The following GRIA1 variants were observed in gnomAD, a reference collection of about 807,000 sequenced individuals.
GRIA1 encodes glutamate receptor 1.
GRIA1 carries 31 observed loss-of-function variants against 99.2 expected under a neutral mutation model. The ratio of observed to expected loss-of-function variants is 0.31; its 90% CI spans 0.23 to 0.42. GRIA1 has a LOEUF of 0.42. Among genes scored for constraint, GRIA1 ranks in the 10% least tolerant of loss-of-function variants. The probability of loss-of-function intolerance (pLI) is 1.00; values close to 1 mark genes in which losing one functional copy is unlikely to be tolerated. For missense variants in GRIA1, 782 were observed against 1,157.5 expected, an observed-to-expected ratio of 0.68 and a Z score of 4.71; for synonymous variants, 438 against 432.4, an observed-to-expected ratio of 1.01 and a Z score of -0.16.
intron 11 of GRIA1, among the ~76,000 whole-genome samples, chr5:153,763,850 G>T (rs1763341502): frequency 6.6e-6 from 1 of 152,102 alleles, no homozygotes; most frequent in Non-Finnish European, 1.5e-5. Context: ...GGAAAGAATT[G>T]TGTCTGCACA....
At chr5:153,659,304 G>C (rs1447597387) in intron 5 of GRIA1, among the ~76,000 whole-genome samples, 1 of 152,066 alleles carries the variant, frequency 6.6e-6, no homozygotes, top group African/African-American at 2.4e-5. Context: ...TATTTTATAG[G>C]AGAGATATGT....
At chr5:153,687,084 A>G (rs1308682896) in intron 8 of GRIA1, among the ~76,000 whole-genome samples, 2 of 151,690 alleles carry the variant, frequency 1.3e-5, no homozygotes, top group South Asian at 2.1e-4. Flanking sequence ...AGCCTTCCAC[A>G]CTCAAAGTAA....
chr5:153,522,785 T>G (rs1757267716), intron 2 of GRIA1, among the ~76,000 whole-genome samples: 2 of 152,060 alleles, frequency 1.3e-5, no homozygotes, highest in Admixed American at 1.3e-4. Flanking sequence ...TTAAAGGAGG[T>G]AGAAAAGTGA....
At chr5:153,715,797 T>A (rs533033827) in intron 11 of GRIA1, among the ~76,000 whole-genome samples, 68 of 152,256 alleles carry the variant, frequency 4.5e-4, no homozygotes, top group African/African-American at 1.5e-3. Flanking sequence ...ACATGAGGGG[T>A]TGTATGTTCT....
At chr5:153,523,016 ATCTCTCTC>A (rs61177262) in intron 2 of GRIA1, among the ~76,000 whole-genome samples, 1 of 141,556 alleles carries the variant, frequency 7.1e-6, no homozygotes, top group Non-Finnish European at 1.5e-5. Context: ...TGTTCCTGAT[ATCTCTCTC>A]TCTCTCTCTC....
chr5:153,714,505 TC>T (rs1463916682), intron 11 of GRIA1, among the ~76,000 whole-genome samples: 2 of 152,266 alleles, frequency 1.3e-5, no homozygotes, highest in East Asian at 3.9e-4. Flanking sequence ...AATTCCTGTA[TC>T]CAGAGAAACC....
intron 2 of GRIA1, among the ~76,000 whole-genome samples, chr5:153,611,069 A>G (rs989252247): frequency 2.6e-5 from 4 of 151,974 alleles, no homozygotes; most frequent in African/African-American, 9.7e-5. Context: ...GAAAATATAG[A>G]CTCCTAGGAT....
rs984174620 is a variant in GRIA1 at position 153,539,656 on chromosome 5, C to T, written c.220+45591C>T. Among the ~76,000 whole-genome samples the T allele has an allele frequency of 3.3e-5, 5 of 152,190 alleles. No individual in the cohort carries two copies. The East Asian group carries it at 9.6e-4, about 29-fold the overall frequency. On this transcript the variant is annotated intron_variant, in intron 2 of 15. Coordinates refer to ENST00000285900, the MANE Select transcript of GRIA1 (RefSeq NM_000827.4). The stretch of plus-strand genomic sequence containing the variant: ...CAAGTTTCTCAATGTTGCTCACGGG[C>T]AAGCTGCACCTGAATTTTCTGTGTA...
intron 2 of GRIA1, among the ~76,000 whole-genome samples, chr5:153,613,514 C>T (rs1270781688): frequency 1.3e-5 from 2 of 152,170 alleles, no homozygotes; most frequent in Admixed American, 6.5e-5. Context: ...TATTTCCAGG[C>T]TTCATGTCTC....
intron 2 of GRIA1, among the ~76,000 whole-genome samples, chr5:153,633,220 T>C (rs1222556545): frequency 1.3e-5 from 2 of 152,182 alleles, no homozygotes; most frequent in Non-Finnish European, 2.9e-5. Context: ...TCCCCCAGTT[T>C]CATAGTATAC....
At chr5:153,789,333 AT>A (rs1765158569) in intron 13 of GRIA1, among the ~76,000 whole-genome samples, 1 of 150,026 alleles carries the variant, frequency 6.7e-6, no homozygotes, top group Non-Finnish European at 1.5e-5. Context: ...ATATATATAT[AT>A]ATCTCCTACA....
intron 13 of GRIA1, among the ~76,000 whole-genome samples, chr5:153,786,932 AT>A (rs1447078484): frequency 6.6e-6 from 1 of 152,218 alleles, no homozygotes; most frequent in African/African-American, 2.4e-5. Context: ...CAAGCAAAGC[AT>A]ATTATCATAG....
At chr5:153,656,780 C>T (rs1326290079) in intron 5 of GRIA1, among the ~76,000 whole-genome samples, 6 of 152,082 alleles carry the variant, frequency 3.9e-5, no homozygotes, top group Non-Finnish European at 8.8e-5. Flanking sequence ...AGTTATGAAA[C>T]CATCACCACA....
intron 2 of GRIA1, among the ~76,000 whole-genome samples, chr5:153,585,347 C>T (rs1361818423): frequency 1.5e-5 from 2 of 133,854 alleles, no homozygotes; most frequent in Non-Finnish European, 3.1e-5. Flanking sequence ...CTTGCTCTGT[C>T]GCCCAGGCTG....
At chr5:153,692,146 C>A (rs1209414385) in intron 8 of GRIA1, among the ~76,000 whole-genome samples, 1 of 152,174 alleles carries the variant, frequency 6.6e-6, no homozygotes, top group East Asian at 1.9e-4. Context: ...GTGCTGTGTG[C>A]CTCCTTGTCA....
chr5:153,533,230 G>T (rs1758244548), intron 2 of GRIA1, among the ~76,000 whole-genome samples: 2 of 152,144 alleles, frequency 1.3e-5, no homozygotes, highest in South Asian at 4.1e-4. Context: ...GTGAATGGAG[G>T]CTGGACCAGG....
chr5:153,770,504 G>A (rs1277519320), intron 13 of GRIA1, 89 bp downstream of exon 13: 2 of 1,258,528 alleles, frequency 1.6e-6, no homozygotes, highest in South Asian at 1.4e-5. Flanking sequence ...AGCCTCCAAT[G>A]CCACAATGCA....
At chr5:153,556,399 G>A (rs1297905816) in intron 2 of GRIA1, among the ~76,000 whole-genome samples, 7 of 152,122 alleles carry the variant, frequency 4.6e-5, no homozygotes, top group African/African-American at 9.7e-5. Context: ...AGCAAGATCC[G>A]GAAGCTAAAT....
At position 153,813,265 on chromosome 5, in the gene GRIA1, G is replaced by A. The variant is rs1034622688; in HGVS notation, c.*2040G>A. ...CATACAAGATTTTTCTCAGCCTTCAGCCTACCACTGCAGAATCCGATGTGA... is the reference window on the plus strand; with the variant it reads ...CATACAAGATTTTTCTCAGCCTTCAACCTACCACTGCAGAATCCGATGTGA... On this transcript the variant is annotated 3_prime_UTR_variant, in exon 16 of 16. Transcript: ENST00000285900. 1.3e-5 allele frequency: 2 copies of A among 152,164 alleles called. No individual in the cohort carries two copies. Among genetic ancestry groups the A allele is most frequent in the African/African-American group, 4.8e-5 (2 of 41,422 alleles). 9.4% of individuals were successfully genotyped at this position (152,164 alleles called of 1,614,324 possible).
Sources: allele counts gnomAD v4.1 joint callset (sites outside exome capture counted in the v4.1 genomes callset), GRCh38; gene constraint gnomAD v4.1.1; transcripts MANE v1.5; gene names NCBI Gene and HGNC (gene_info 2026-07-23, HGNC 2026-07-21).